The following DOK6 variants were observed in gnomAD, a reference collection of about 807,000 sequenced individuals.
The protein encoded by DOK6 is downstream of tyrosine kinase 6.
DOK6 carries 22 observed loss-of-function variants against 44.0 expected under a neutral mutation model. The ratio of observed to expected loss-of-function variants is 0.50; its 90% CI spans 0.36 to 0.71. The LOEUF is 0.71. Among genes scored for constraint, DOK6 ranks in the 30% least tolerant of loss-of-function variants. The pLI is 0.00. For synonymous variants in DOK6, 166 were observed against 145.5 expected (o/e 1.14, Z -1.01); for missense variants, 340 against 416.4 (o/e 0.82, Z 1.60).
rs1299253740 is a variant in DOK6, at chr18:69,466,142, AC to A, written c.66+64835del. ...TCATCCTGTCTAGCTGAAATTTTGA[AC>A]CCTTTGACAAACATTATTCTATTCC... On this transcript the variant is annotated intron_variant, in intron 1 of 7. Coordinates refer to ENST00000382713, the MANE Select transcript of DOK6 (RefSeq NM_152721.6). 8.5e-5 allele frequency among the ~76,000 whole-genome samples: 13 copies of A among 152,188 alleles called. No homozygotes were observed. The East Asian group carries it at 1.5e-3, about 18-fold the overall frequency.
intron 2 of DOK6, among the ~76,000 whole-genome samples, chr18:69,584,501 A>T (rs1434104511): frequency 6.6e-6 from 1 of 152,160 alleles, no homozygotes; most frequent in Non-Finnish European, 1.5e-5. Flanking sequence ...CATGTTGGCC[A>T]GGCTGGTCTT....
At chr18:69,530,106 C>T (rs537113997) in intron 1 of DOK6, among the ~76,000 whole-genome samples, 1 of 152,168 alleles carries the variant, frequency 6.6e-6, no homozygotes, top group South Asian at 2.1e-4. Flanking sequence ...AATATTATTA[C>T]CATCTTAGAG....
intron 3 of DOK6, among the ~76,000 whole-genome samples, chr18:69,651,342 C>A (rs531607233): frequency 6.6e-6 from 1 of 152,116 alleles, no homozygotes; most frequent in African/African-American, 2.4e-5. Context: ...TAGATATAGT[C>A]CAATTTATGC....
At chr18:69,611,655 ACT>A (rs1035996529) in intron 3 of DOK6, among the ~76,000 whole-genome samples, 2 of 152,170 alleles carry the variant, frequency 1.3e-5, no homozygotes, top group African/African-American at 4.8e-5. Context: ...AAAAGAACAG[ACT>A]CAATATATGC....
At chr18:69,692,860 T>C (rs987185400) in intron 4 of DOK6, among the ~76,000 whole-genome samples, 2 of 152,234 alleles carry the variant, frequency 1.3e-5, no homozygotes, top group African/African-American at 4.8e-5. Flanking sequence ...TACATTTATG[T>C]AAGTATTAAT....
At chr18:69,640,942 G>A (rs1984924161) in intron 3 of DOK6, among the ~76,000 whole-genome samples, 1 of 152,066 alleles carries the variant, frequency 6.6e-6, no homozygotes, top group Non-Finnish European at 1.5e-5. Flanking sequence ...GCCAGGCATG[G>A]TGGCTCACGC....
chr18:69,799,257 A>T (rs1240458020), intron 7 of DOK6, among the ~76,000 whole-genome samples: 2 of 152,042 alleles, frequency 1.3e-5, no homozygotes, highest in Non-Finnish European at 2.9e-5. Context: ...GATGTTTCAA[A>T]ATTAGAAATT....
chr18:69,706,468 G>C (rs1296601913), intron 5 of DOK6, among the ~76,000 whole-genome samples: 1 of 151,906 alleles, frequency 6.6e-6, no homozygotes, highest in Non-Finnish European at 1.5e-5. Flanking sequence ...GGAGAATAGA[G>C]CCTCTTATTT....
chr18:69,706,290 A>G (rs1465913143), intron 5 of DOK6, among the ~76,000 whole-genome samples: 2 of 152,192 alleles, frequency 1.3e-5, no homozygotes, highest in East Asian at 3.9e-4. Flanking sequence ...GGCACGGTTC[A>G]TGAGTCCTTG....
chr18:69,711,853 C>T (rs986090773), intron 5 of DOK6, among the ~76,000 whole-genome samples: 13 of 152,140 alleles, frequency 8.5e-5, no homozygotes, highest in Non-Finnish European at 1.8e-4. Flanking sequence ...ATTCTGTAGG[C>T]GAAACCATTC....
At chr18:69,531,783 T>C (rs1981992621) in intron 1 of DOK6, among the ~76,000 whole-genome samples, 1 of 152,202 alleles carries the variant, frequency 6.6e-6, no homozygotes. Flanking sequence ...TTGAAACATT[T>C]AGATATTCCT....
chr18:69,641,560 T>C (rs1298904698), intron 3 of DOK6, among the ~76,000 whole-genome samples: 5 of 152,336 alleles, frequency 3.3e-5, no homozygotes, highest in Non-Finnish European at 7.4e-5. Flanking sequence ...AATTTAAGCT[T>C]GTTTTCATTG....
intron 7 of DOK6, among the ~76,000 whole-genome samples, chr18:69,801,526 T>C (rs543624066): frequency 6.6e-6 from 1 of 152,350 alleles, no homozygotes; most frequent in African/African-American, 2.4e-5. Flanking sequence ...AATCCATCTG[T>C]TGCTTTGCAG....
chr18:69,531,402 C>T (rs1423545131), intron 1 of DOK6, among the ~76,000 whole-genome samples: 2 of 151,410 alleles, frequency 1.3e-5, no homozygotes, highest in African/African-American at 4.8e-5. Context: ...AGTCAAAAAT[C>T]TAGTTGAATA....
rs1193826787 is a variant in DOK6, at chr18:69,835,483, AC to A, written c.857-5760del. Reference sequence around the variant, plus strand: ...CCGTCTCAAAAAAACAACAACAACAACAAAAAAAAAAACAGCTTCTGGCCCC... The same window carrying A: ...CCGTCTCAAAAAAACAACAACAACAAAAAAAAAAAAACAGCTTCTGGCCCC... On this transcript the variant is annotated intron_variant, in intron 7 of 7. Coordinates refer to ENST00000382713, the MANE Select transcript of DOK6 (RefSeq NM_152721.6). 9.8e-3 allele frequency among the ~76,000 whole-genome samples: 200 copies of A among 20,320 alleles called. 1 individual carries two copies. The highest frequency in any genetic ancestry group is 0.14 in the Middle Eastern group (2 of 14). The allele number at this position is 20,320 out of a possible 152,430, so 13.3% of individuals were successfully genotyped here. A position where few individuals can be genotyped will look rare whatever the true frequency, so the allele number is the denominator to read the frequency against.
chr18:69,740,703 G>A (rs1006220281), intron 6 of DOK6, among the ~76,000 whole-genome samples: 5 of 152,200 alleles, frequency 3.3e-5, no homozygotes, highest in Non-Finnish European at 7.3e-5. Context: ...ACAAGGGCAT[G>A]TAATAGTTCT....
intron 1 of DOK6, among the ~76,000 whole-genome samples, chr18:69,530,764 T>C (rs1981962468): frequency 6.6e-6 from 1 of 152,106 alleles, no homozygotes; most frequent in Admixed American, 6.6e-5. Flanking sequence ...GAGAGTTCTG[T>C]AGATGTCTAT....
intron 3 of DOK6, among the ~76,000 whole-genome samples, chr18:69,624,196 T>C (rs568679274): frequency 1.3e-5 from 2 of 152,264 alleles, no homozygotes; most frequent in East Asian, 3.9e-4. Flanking sequence ...AACCCATCCA[T>C]AAAGAGATTA....
intron 7 of DOK6, among the ~76,000 whole-genome samples, chr18:69,807,183 T>A (rs1176267072): frequency 6.6e-6 from 1 of 151,158 alleles, no homozygotes; most frequent in Non-Finnish European, 1.5e-5. Flanking sequence ...AGGTTTTTTT[T>A]AATGCAATCA....
Sources: allele counts gnomAD v4.1 joint callset (sites outside exome capture counted in the v4.1 genomes callset), GRCh38; gene constraint gnomAD v4.1.1; transcripts MANE v1.5; gene names NCBI Gene and HGNC (gene_info 2026-07-23, HGNC 2026-07-21).